Variants in NLRP14 observed in about 807,000 individuals in gnomAD.
NLRP14 encodes the protein NLR family pyrin domain containing 14, also known as NACHT, LRR and PYD domains-containing protein 14.
A neutral mutation model predicts 94.7 loss-of-function variants in NLRP14; 105 were observed. The observed-to-expected ratio is 1.11, with a 90% CI of 0.95 to 1.30. The LOEUF is 1.30. Ranked by LOEUF, NLRP14 falls within the 50% of genes most tolerant of loss-of-function variation. The pLI, the probability that NLRP14 is intolerant of heterozygous loss-of-function variation, is 0.00. For synonymous variants in NLRP14, 508 were observed against 459.9 expected (o/e 1.10, Z -1.34); for missense variants, 1,362 against 1,254.1 (o/e 1.09, Z -1.30).
intron 10 of NLRP14, 63 bp downstream of exon 10, chr11:7,062,566 T>C: frequency 7.1e-7 from 1 of 1,399,252 alleles, no homozygotes; most frequent in Non-Finnish European, 1.0e-6. Flanking sequence ...AGCTAGAAGA[T>C]ATTTAGTGTA....
Position 7,045,690 on chromosome 11 carries a change from C to T in NLRP14, c.1959-978C>T, listed in dbSNP as rs192410831. On this transcript the variant is annotated intron_variant, in intron 4 of 11. Transcript: ENST00000299481. ...AGATATGGGAATGAATATTTATTGACTAGCTGTTATATATAAGGCAACACA... is the reference window on the plus strand; with the variant it reads ...AGATATGGGAATGAATATTTATTGATTAGCTGTTATATATAAGGCAACACA... Among the ~76,000 whole-genome samples, 186 of 152,046 alleles carry T rather than the reference C, an allele frequency of 1.2e-3. 1 individual carries two copies. The highest frequency in any genetic ancestry group is 4.3e-3 in the African/African-American group (177 of 41,462).
At chr11:7,066,981 C>T (rs7124365) in intron 10 of NLRP14, among the ~76,000 whole-genome samples, 147,469 of 152,116 alleles carry the variant, frequency 0.97, 71,639 homozygotes, top group Middle Eastern at 1. Flanking sequence ...TTGCTTGTTA[C>T]TGTCAGGTTT....
the NLRP14 span, among the ~76,000 whole-genome samples, chr11:7,078,005 C>T: frequency 6.6e-6 from 1 of 152,018 alleles, no homozygotes; most frequent in African/African-American, 2.4e-5. Context: ...TTTTGCAAGA[C>T]AAAGAGTTCT....
At chr11:7,076,666 C>G in the NLRP14 span, among the ~76,000 whole-genome samples, 1 of 152,096 alleles carries the variant, frequency 6.6e-6, no homozygotes, top group South Asian at 2.1e-4. Flanking sequence ...CCTCCCCTTT[C>G]CTACCAAAGC....
chr11:7,034,065 A>G (rs2119581134), intron 1 of NLRP14, among the ~76,000 whole-genome samples: 1 of 152,340 alleles, frequency 6.6e-6, no homozygotes, highest in South Asian at 2.1e-4. Context: ...CTCTTTGGAA[A>G]GAAATCAATA....
rs149849391 is a variant in NLRP14 at position 7,040,407 on chromosome 11, T to G, written c.361+622T>G. Among the ~76,000 whole-genome samples, 537 of 152,314 alleles carry G rather than the reference T, an allele frequency of 3.5e-3. 1 individual carries two copies. Among genetic ancestry groups the G allele is most frequent in the African/African-American group, 0.012 (499 of 41,568 alleles). ...AACTGTGCATTCAAGGGATCTAGGT[T>G]GTATGCTCCTTATGAGAATCTGATG... On this transcript the variant is annotated intron_variant, in intron 3 of 11. Transcript: ENST00000299481.
At chr11:7,090,179 C>A in the NLRP14 span, 6 of 1,613,672 alleles carry the variant, frequency 3.7e-6, no homozygotes, top group Admixed American at 1.7e-5. Flanking sequence ...TCTCTCTGTC[C>A]ATGGAAAGGG....
At chr11:7,028,334 G>A (rs1852043319) in intron 1 of NLRP14, among the ~76,000 whole-genome samples, 1 of 152,040 alleles carries the variant, frequency 6.6e-6, no homozygotes, top group African/African-American at 2.4e-5. Context: ...CTCCCAATCT[G>A]TTCTGTCAGC....
intron 6 of NLRP14, among the ~76,000 whole-genome samples, chr11:7,051,169 C>T (rs1408810293): frequency 1.3e-5 from 2 of 152,162 alleles, no homozygotes; most frequent in East Asian, 3.8e-4. Flanking sequence ...CTCCTTGCAA[C>T]AGTAAATACA....
intron 9 of NLRP14, among the ~76,000 whole-genome samples, chr11:7,060,651 T>A (rs760463046): frequency 6.6e-6 from 1 of 152,018 alleles, no homozygotes; most frequent in Non-Finnish European, 1.5e-5. Context: ...TTCAAATAAA[T>A]GGAAAGGGGA....
chr11:7,040,054 T>C (rs1852224651), intron 3 of NLRP14, among the ~76,000 whole-genome samples: 1 of 152,224 alleles, frequency 6.6e-6, no homozygotes, highest in African/African-American at 2.4e-5. Context: ...AATGTTTATA[T>C]TTTATGGACT....
intron 1 of NLRP14, 103 bp from the exon 2 acceptor site, chr11:7,038,463 T>G (rs985777745): frequency 1.0e-6 from 1 of 966,490 alleles, no homozygotes; most frequent in East Asian, 2.5e-5. Context: ...CTTCTGCAAA[T>G]GTTTGTTAAA....
At chr11:7,081,982 GC>G in the NLRP14 span, among the ~76,000 whole-genome samples, 13 of 152,052 alleles carry the variant, frequency 8.5e-5, no homozygotes, top group Non-Finnish European at 1.8e-4. Flanking sequence ...GTAATCTAGG[GC>G]CCCCACCATG....
chr11:7,075,591 A>G (rs1589879115), downstream of NLRP14, among the ~76,000 whole-genome samples: 1 of 152,210 alleles, frequency 6.6e-6, no homozygotes, highest in Admixed American at 6.5e-5. Context: ...AACTGAGCCT[A>G]TATTACAAAA....
chr11:7,082,838 T>A, the NLRP14 span, among the ~76,000 whole-genome samples: 1 of 152,212 alleles, frequency 6.6e-6, no homozygotes, highest in Non-Finnish European at 1.5e-5. Context: ...AAATGGGCTA[T>A]TTTTACCATT....
chr11:7,064,306 G>A (rs370801382), intron 10 of NLRP14, among the ~76,000 whole-genome samples: 2 of 152,112 alleles, frequency 1.3e-5, no homozygotes, highest in African/African-American at 4.8e-5. Context: ...GACCTGCTAT[G>A]TCTACATGAG....
intron 10 of NLRP14, among the ~76,000 whole-genome samples, chr11:7,067,922 T>C (rs546555128): frequency 1.3e-5 from 2 of 152,270 alleles, no homozygotes; most frequent in Admixed American, 6.5e-5. Context: ...CTGTCTAACC[T>C]GGAGTTTCTT....
intron 1 of NLRP14, among the ~76,000 whole-genome samples, chr11:7,021,271 G>C (rs974075955): frequency 6.6e-6 from 1 of 152,198 alleles, no homozygotes; most frequent in East Asian, 1.9e-4. Context: ...AAATGAGTTA[G>C]TGTAGTTAAA....
chr11:7,043,949 G>C lies in NLRP14; in HGVS notation c.1923G>C (p.Lys641Asn). The change falls in exon 4 of 12, where the codon AAG becomes AAC. Residue 641 changes from lysine to asparagine, a missense_variant. Coordinates refer to ENST00000299481, the MANE Select transcript of NLRP14 (RefSeq NM_176822.4). The part of the protein sequence containing the change: ...IRLSVTVVFE[K>N]KILKTSLPTN... Reference sequence around the variant, plus strand: ...TGTCTGTAACTGTGGTATTTGAGAAGAAGATATTAAAAACAAGCCTCCCAA... The same window carrying C: ...TGTCTGTAACTGTGGTATTTGAGAACAAGATATTAAAAACAAGCCTCCCAA... The C allele has an allele frequency of 6.2e-7, 1 of 1,614,190 alleles. No homozygotes were observed. Among genetic ancestry groups the C allele is most frequent in the Non-Finnish European group, 8.5e-7 (1 of 1,180,020 alleles).
Sources: gnomAD v4.1 joint callset for allele counts (sites outside exome capture counted in the v4.1 genomes callset) on GRCh38, gnomAD v4.1.1 for gene constraint, MANE v1.5 for transcripts, NCBI Gene and HGNC (gene_info 2026-07-23, HGNC 2026-07-21) for gene names.